The following KATNAL1 variants were observed in gnomAD, a reference collection of about 807,000 sequenced individuals.
KATNAL1 encodes katanin p60 ATPase-containing subunit A-like 1.
KATNAL1 carries 32 observed loss-of-function variants against 55.2 expected under a neutral mutation model. That is an observed-to-expected ratio of 0.58 (90% CI 0.44 to 0.78). KATNAL1 has a LOEUF of 0.78. Ranked by LOEUF, KATNAL1 falls within the 30% of genes least tolerant of loss-of-function variation. The pLI is 0.00. For synonymous variants in KATNAL1, 193 were observed against 193.6 expected, an observed-to-expected ratio of 1.00 and a Z score of 0.02; for missense variants, 466 against 600.9, an observed-to-expected ratio of 0.78 and a Z score of 2.35.
chr13:30,235,117 T>C (rs936471021), intron 6 of KATNAL1, among the ~76,000 whole-genome samples: 1 of 152,244 alleles, frequency 6.6e-6, no homozygotes, highest in Non-Finnish European at 1.5e-5. Context: ...GTGAGCTTCC[T>C]TAACTGGCAA....
intron 3 of KATNAL1, among the ~76,000 whole-genome samples, chr13:30,278,267 A>C (rs1881014096): frequency 6.6e-6 from 1 of 151,680 alleles, no homozygotes; most frequent in South Asian, 2.1e-4. Context: ...AGGGTTTCTG[A>C]TCCAAAGAGG....
intron 1 of KATNAL1, among the ~76,000 whole-genome samples, chr13:30,297,583 C>G (rs1447951762): frequency 6.6e-6 from 1 of 152,150 alleles, no homozygotes; most frequent in Non-Finnish European, 1.5e-5. Context: ...CACTGCAGCA[C>G]TATTCACAAT....
chr13:30,225,566 G>A (rs539438305), intron 9 of KATNAL1, among the ~76,000 whole-genome samples: 1 of 151,542 alleles, frequency 6.6e-6, no homozygotes, highest in Admixed American at 6.6e-5. Flanking sequence ...TGAAGGTGCC[G>A]AAGTAATTCA....
At chr13:30,241,674 G>A (rs534243032) in intron 4 of KATNAL1, among the ~76,000 whole-genome samples, 2 of 152,266 alleles carry the variant, frequency 1.3e-5, no homozygotes, top group South Asian at 4.1e-4. Flanking sequence ...TTTAGCCCCA[G>A]TTACTGCCTA....
chr13:30,297,613 T>C (rs1882599402), intron 1 of KATNAL1, among the ~76,000 whole-genome samples: 2 of 152,174 alleles, frequency 1.3e-5, no homozygotes, highest in African/African-American at 4.8e-5. Context: ...ATGGAATCAA[T>C]CTCGGTATCC....
chr13:30,219,877 G>C (rs780505608), intron 9 of KATNAL1, among the ~76,000 whole-genome samples: 1 of 152,168 alleles, frequency 6.6e-6, no homozygotes, highest in African/African-American at 2.4e-5. Flanking sequence ...AGGAAATGGA[G>C]TTCCTACCTT....
intron 4 of KATNAL1, among the ~76,000 whole-genome samples, chr13:30,253,440 T>A (rs1878512279): frequency 6.6e-6 from 1 of 152,086 alleles, no homozygotes; most frequent in South Asian, 2.1e-4. Flanking sequence ...CAATTTATAA[T>A]TTCCAGGAAA....
chr13:30,280,306 C>T (rs1273634825), intron 2 of KATNAL1, 83 bp from the exon 3 acceptor site: 26 of 1,060,218 alleles, frequency 2.5e-5, no homozygotes, highest in South Asian at 1.5e-4. Flanking sequence ...ATAGAGTGCA[C>T]GTTTTCTTAA....
chr13:30,256,508 T>C (rs1263595100), intron 3 of KATNAL1, among the ~76,000 whole-genome samples: 2 of 152,170 alleles, frequency 1.3e-5, no homozygotes, highest in Non-Finnish European at 2.9e-5. Flanking sequence ...CCCATATGTG[T>C]ATTCCATTTT....
intron 2 of KATNAL1, among the ~76,000 whole-genome samples, chr13:30,281,356 G>T (rs888844803): frequency 3.3e-5 from 5 of 152,006 alleles, no homozygotes; most frequent in African/African-American, 1.2e-4. Context: ...TGCTATAGTG[G>T]AAGAAATGTA....
intron 9 of KATNAL1, among the ~76,000 whole-genome samples, chr13:30,222,043 C>T (rs1226267139): frequency 6.6e-6 from 1 of 152,078 alleles, no homozygotes; most frequent in Non-Finnish European, 1.5e-5. Context: ...AAGAGTGAAA[C>T]TCCATCTCAG....
At chr13:30,243,933 C>CT (rs1222096075) in intron 4 of KATNAL1, among the ~76,000 whole-genome samples, 2 of 151,924 alleles carry the variant, frequency 1.3e-5, no homozygotes, top group Admixed American at 6.6e-5. Flanking sequence ...CATTATTTTT[C>CT]TTTTTTTTAA....
Position 30,213,334 on chromosome 13 carries a change from C to T in KATNAL1, c.1148-2892G>A, listed in dbSNP as rs541695578. Among the ~76,000 whole-genome samples, 1,114 of 149,430 alleles carry T rather than the reference C, an allele frequency of 7.5e-3. 7 individuals carry two copies. The highest frequency in any genetic ancestry group is 0.013 in the African/African-American group (539 of 40,714). Reference sequence around the variant, plus strand: ...ACCAGATGGATTCATAGCCGAATTCCACCAGAGGTACAAGGAGGAACTGGT... The same window carrying T: ...ACCAGATGGATTCATAGCCGAATTCTACCAGAGGTACAAGGAGGAACTGGT... On this transcript the variant is annotated intron_variant, in intron 9 of 10. Coordinates refer to ENST00000380615, the MANE Select transcript of KATNAL1 (RefSeq NM_032116.5).
At chr13:30,292,175 G>A (rs1161017840) in intron 1 of KATNAL1, among the ~76,000 whole-genome samples, 5 of 152,198 alleles carry the variant, frequency 3.3e-5, no homozygotes, top group African/African-American at 9.7e-5. Context: ...AAGTGCCAGA[G>A]CAATTCAATG....
At chr13:30,251,694 CTG>C (rs747616429) in intron 4 of KATNAL1, among the ~76,000 whole-genome samples, 26 of 152,180 alleles carry the variant, frequency 1.7e-4, no homozygotes, top group Non-Finnish European at 3.5e-4. Context: ...ACCAGACACA[CTG>C]AAATAAAACA....
intron 9 of KATNAL1, among the ~76,000 whole-genome samples, chr13:30,215,932 A>G (rs1026735196): frequency 2.5e-4 from 38 of 152,150 alleles, no homozygotes; most frequent in Admixed American, 1.4e-3. Context: ...TAATAATAAT[A>G]AAATTTTAAA....
chr13:30,237,212 AATACTCAATAAATATGTATTTACCCAGT>A (rs1876776396), intron 6 of KATNAL1, among the ~76,000 whole-genome samples: 1 of 152,162 alleles, frequency 6.6e-6, no homozygotes, highest in African/African-American at 2.4e-5. Context: ...ACACAAGGTA[AATACTCAATAAATATGTATTTACCCAGT>A]GTAAATTTAT....
Position 30,231,524 on chromosome 13 carries a change from T to A in KATNAL1, c.727-52A>T, listed in dbSNP as rs1257454473. The stretch of plus-strand genomic sequence containing the variant: ...GATTTATCAGATTAAAAAATTTTTT[T>A]ATAAATTATCATCAGCTATTAATGT... On this transcript the variant is annotated intron_variant, in intron 6 of 10. Coordinates refer to ENST00000380615, the MANE Select transcript of KATNAL1 (RefSeq NM_032116.5). 2.4e-6 allele frequency: 3 copies of A among 1,241,628 alleles called. No homozygotes were observed. In the South Asian group the frequency reaches 6.9e-5, roughly 29 times the overall value. 76.9% of individuals were successfully genotyped at this position (1,241,628 alleles called of 1,614,324 possible).
At chr13:30,233,119 A>G (rs1056926697) in intron 6 of KATNAL1, among the ~76,000 whole-genome samples, 2 of 152,168 alleles carry the variant, frequency 1.3e-5, no homozygotes, top group South Asian at 4.1e-4. Context: ...AGATAAATAG[A>G]TTATATCAAA....
Sources: gnomAD v4.1 joint callset for allele counts (sites outside exome capture counted in the v4.1 genomes callset) on GRCh38, gnomAD v4.1.1 for gene constraint, MANE v1.5 for transcripts, NCBI Gene and HGNC (gene_info 2026-07-23, HGNC 2026-07-21) for gene names.